The following LRPPRC variants were observed in gnomAD, a reference collection of about 807,000 sequenced individuals.
LRPPRC encodes leucine rich pentatricopeptide repeat containing.
A neutral mutation model predicts 180.3 loss-of-function variants in LRPPRC; 120 were observed. The observed-to-expected ratio is 0.67, with a 90% CI of 0.57 to 0.77. The LOEUF is 0.77. Ranked by LOEUF, LRPPRC falls within the 30% of genes least tolerant of loss-of-function variation. The probability of loss-of-function intolerance (pLI) is 0.00; values close to 1 mark genes in which losing one functional copy is unlikely to be tolerated. For synonymous variants in LRPPRC, 723 were observed against 600.0 expected (o/e 1.21, Z -3.00); for missense variants, 2,012 against 1,657.2 (o/e 1.21, Z -3.72).
chr2:43,944,023 C>A (rs912065605), intron 22 of LRPPRC, 129 bp from the exon 23 acceptor site: 2 of 700,872 alleles, frequency 2.9e-6, no homozygotes, highest in African/African-American at 3.5e-5. Flanking sequence ...AAGTTAATTA[C>A]TACTTGCATT....
chr2:43,981,908 CTT>C (rs143480088), intron 2 of LRPPRC, among the ~76,000 whole-genome samples: 1 of 151,276 alleles, frequency 6.6e-6, no homozygotes, highest in Non-Finnish European at 1.5e-5. Flanking sequence ...AAATTTAAGA[CTT>C]TTTTTTTTGT....
intron 11 of LRPPRC, among the ~76,000 whole-genome samples, chr2:43,967,553 G>A: frequency 1.3e-5 from 2 of 152,208 alleles, no homozygotes; most frequent in Admixed American, 1.3e-4. Context: ...AATTAGCCAG[G>A]CATGGTGGCA....
intron 13 of LRPPRC, among the ~76,000 whole-genome samples, chr2:43,958,532 G>T (rs1265184019): frequency 6.6e-6 from 1 of 152,164 alleles, no homozygotes; most frequent in Non-Finnish European, 1.5e-5. Flanking sequence ...AAGTTTCTCA[G>T]TGCTTTTATA....
At chr2:43,917,180 A>G (rs934631452) in intron 29 of LRPPRC, among the ~76,000 whole-genome samples, 2 of 151,232 alleles carry the variant, frequency 1.3e-5, no homozygotes, top group Admixed American at 1.3e-4. Flanking sequence ...AGCTGCGATG[A>G]CAGGCATGCA....
At chr2:43,939,715 T>C (rs530806016) in intron 23 of LRPPRC, among the ~76,000 whole-genome samples, 9 of 152,336 alleles carry the variant, frequency 5.9e-5, no homozygotes, top group Non-Finnish European at 1.0e-4. Context: ...GTGTTGCAAT[T>C]ACAACTAATC....
At chr2:43,970,960 T>G (rs1041833405) in intron 11 of LRPPRC, among the ~76,000 whole-genome samples, 4 of 152,000 alleles carry the variant, frequency 2.6e-5, no homozygotes, top group African/African-American at 9.7e-5. Context: ...ATTAGCTGGG[T>G]GCAGTGACGC....
At chr2:43,896,948 G>A (rs1488206074) in intron 34 of LRPPRC, among the ~76,000 whole-genome samples, 4 of 152,024 alleles carry the variant, frequency 2.6e-5, no homozygotes, top group Admixed American at 6.5e-5. Context: ...AAAAGAAAAG[G>A]GAAAAATTAA....
At chr2:43,939,814 C>A (rs758585049) in intron 23 of LRPPRC, among the ~76,000 whole-genome samples, 1 of 152,194 alleles carries the variant, frequency 6.6e-6, no homozygotes, top group Non-Finnish European at 1.5e-5. Flanking sequence ...CTCAAACATG[C>A]GTTCGGAACA....
At position 43,886,723 on chromosome 2, in the gene LRPPRC, C is replaced by T. The variant is rs1195328161; in HGVS notation, c.*1877G>A. The T allele has an allele frequency of 6.6e-6, 1 of 152,146 alleles. No homozygotes were observed. Among genetic ancestry groups the T allele is most frequent in the Non-Finnish European group, 1.5e-5 (1 of 68,044 alleles). 9.4% of individuals were successfully genotyped at this position (152,146 alleles called of 1,614,324 possible). A position where few individuals can be genotyped will look rare whatever the true frequency, so the allele number is the denominator to read the frequency against. ...ATGACTGCGAAATCCAGATTACACC[C>T]CAACGTTATGCCTCACCTTGGAGAC... On this transcript the variant is annotated 3_prime_UTR_variant, in exon 38 of 38. Coordinates refer to ENST00000260665, the MANE Select transcript of LRPPRC (RefSeq NM_133259.4).
At chr2:43,971,485 T>TAAAAAAAAAAAAAAAAAAAAAAAAAAAA (rs528659622) in intron 11 of LRPPRC, among the ~76,000 whole-genome samples, 11 of 62,374 alleles carry the variant, frequency 1.8e-4, no homozygotes, top group Non-Finnish European at 2.3e-4. Flanking sequence ...TGTGTCACAG[T>TAAAAAAAAAAAAAAAAAAAAAAAAAAAA]AAAAAAAAAA....
chr2:43,949,746 A>T, intron 15 of LRPPRC, 87 bp from the exon 16 acceptor site: 1 of 875,002 alleles, frequency 1.1e-6, no homozygotes. Context: ...AAATAATAAA[A>T]CCTCTCCCCA....
chr2:43,898,071 T>TAAAAA (rs61550367), intron 34 of LRPPRC, among the ~76,000 whole-genome samples: 2 of 115,946 alleles, frequency 1.7e-5, no homozygotes, highest in African/African-American at 3.2e-5. Context: ...TCCTTAAAAT[T>TAAAAA]AAAAAAAAAA....
rs549134254 is a variant in LRPPRC, at chr2:43,963,303, C to A, written c.1488+285G>T. Among the ~76,000 whole-genome samples the A allele has an allele frequency of 5.3e-4, 80 of 151,882 alleles. 2 individuals carry two copies. The South Asian group carries it at 0.016, about 30-fold the overall frequency. ...CTACTAAAAATACAAAATTAGCTAG[C>A]CATGGTGGCGCATGCCTGTAATCCC... On this transcript the variant is annotated intron_variant, in intron 12 of 37. Coordinates refer to ENST00000260665, the MANE Select transcript of LRPPRC (RefSeq NM_133259.4).
rs750233904 is a variant in LRPPRC at position 43,918,432 on chromosome 2, A to G, written c.2897-34T>C. The G allele has an allele frequency of 5.5e-6, 8 of 1,462,774 alleles. No homozygotes were observed. In the East Asian group the frequency reaches 1.6e-4, roughly 29 times the overall value. The allele number at this position is 1,462,774 out of a possible 1,614,324, so 90.6% of individuals were successfully genotyped here. A position where few individuals can be genotyped will look rare whatever the true frequency, so the allele number is the denominator to read the frequency against. On this transcript the variant is annotated intron_variant, in intron 27 of 37. Coordinates refer to ENST00000260665, the MANE Select transcript of LRPPRC (RefSeq NM_133259.4). Reference sequence around the variant, plus strand: ...TTTGATTAAGCAGAAATTAATCAATAAATATGCTAAACAGAATACACAAAA... The same window carrying G: ...TTTGATTAAGCAGAAATTAATCAATGAATATGCTAAACAGAATACACAAAA...
intron 3 of LRPPRC, 40 bp from the exon 4 acceptor site, chr2:43,977,316 G>A (rs764499141): frequency 1.3e-6 from 2 of 1,540,920 alleles, no homozygotes; most frequent in Non-Finnish European, 1.8e-6. Flanking sequence ...GAAAAGCATT[G>A]AAAATCCTAT....
At chr2:43,938,930 G>A (rs1247975251) in intron 23 of LRPPRC, among the ~76,000 whole-genome samples, 2 of 152,040 alleles carry the variant, frequency 1.3e-5, no homozygotes, top group African/African-American at 4.8e-5. Flanking sequence ...CTTAAGTCTC[G>A]TAATTTATAC....
In LRPPRC at chr2:43,957,862, T is replaced by C. The variant is rs75034090; in HGVS notation, c.1583-411A>G. 3.1e-3 allele frequency among the ~76,000 whole-genome samples: 466 copies of C among 152,296 alleles called. 2 individuals carry two copies. Among genetic ancestry groups the C allele is most frequent in the African/African-American group, 0.011 (440 of 41,554 alleles). On this transcript the variant is annotated intron_variant, in intron 13 of 37. Transcript: ENST00000260665. ...ACAGCACATGAGAGGAAAAATTCTT[T>C]TCTCGGAGAGGTGTTGGGTTCTGTT...
At chr2:43,898,524 A>G (rs964051908) in intron 34 of LRPPRC, among the ~76,000 whole-genome samples, 1 of 152,178 alleles carries the variant, frequency 6.6e-6, no homozygotes, top group African/African-American at 2.4e-5. Flanking sequence ...GTTTGTGTAC[A>G]TTGCCAGTGG....
chr2:43,893,148 G>A (rs1055555912), intron 36 of LRPPRC, among the ~76,000 whole-genome samples: 1 of 152,206 alleles, frequency 6.6e-6, no homozygotes, highest in Non-Finnish European at 1.5e-5. Flanking sequence ...ATGAGGAGAA[G>A]CTGTTTCCTA....
Sources: allele counts gnomAD v4.1 joint callset (sites outside exome capture counted in the v4.1 genomes callset), GRCh38; gene constraint gnomAD v4.1.1; transcripts MANE v1.5; gene names NCBI Gene and HGNC (gene_info 2026-07-23, HGNC 2026-07-21).